RCAN2: variants seen among roughly 807,000 people sequenced by gnomAD.
RCAN2 encodes the protein calcipressin-2.
In RCAN2, 9 loss-of-function variants were observed where a neutral mutation model predicts 23.6. That is an observed-to-expected ratio of 0.38 (90% CI 0.23 to 0.67). The LOEUF is 0.67. Ranked by LOEUF, RCAN2 falls within the 30% of genes least tolerant of loss-of-function variation. RCAN2 has a pLI of 0.51. For synonymous variants in RCAN2, 109 were observed against 115.7 expected (o/e 0.94, Z 0.37); for missense variants, 273 against 302.3 (o/e 0.90, Z 0.72).
At chr6:46,234,289 C>G (rs1766011999) in intron 4 of RCAN2, among the ~76,000 whole-genome samples, 1 of 152,222 alleles carries the variant, frequency 6.6e-6, no homozygotes, top group African/African-American at 2.4e-5. Context: ...GCCAGCAAAG[C>G]TTAACAGCTG....
chr6:46,227,737 C>A (rs1348167069), intron 4 of RCAN2, among the ~76,000 whole-genome samples: 1 of 151,426 alleles, frequency 6.6e-6, no homozygotes, highest in Non-Finnish European at 1.5e-5. Context: ...AAAACCAGAT[C>A]CCGGATTCAT....
chr6:46,319,571 G>A (rs1460132618), intron 2 of RCAN2, among the ~76,000 whole-genome samples: 1 of 152,166 alleles, frequency 6.6e-6, no homozygotes, highest in East Asian at 1.9e-4. Flanking sequence ...TTTACCAAAT[G>A]TGATAGGTGG....
chr6:46,360,915 T>C (rs1401260463), intron 2 of RCAN2, among the ~76,000 whole-genome samples: 1 of 152,052 alleles, frequency 6.6e-6, no homozygotes, highest in South Asian at 2.1e-4. Context: ...ACAATGGAGG[T>C]TGAATAGTGA....
intron 2 of RCAN2, among the ~76,000 whole-genome samples, chr6:46,288,659 G>A (rs370766521): frequency 1.3e-5 from 2 of 152,246 alleles, no homozygotes; most frequent in African/African-American, 4.8e-5. Flanking sequence ...TCCTGATCCC[G>A]TTATTTATTC....
At chr6:46,429,329 G>A (rs1767121290) in intron 2 of RCAN2, among the ~76,000 whole-genome samples, 1 of 152,166 alleles carries the variant, frequency 6.6e-6, no homozygotes, top group Admixed American at 6.6e-5. Flanking sequence ...TTAACTCGAA[G>A]CCAAAAGATA....
At chr6:46,471,095 G>A (rs1377181860) in intron 1 of RCAN2, among the ~76,000 whole-genome samples, 1 of 152,180 alleles carries the variant, frequency 6.6e-6, no homozygotes, top group African/African-American at 2.4e-5. Context: ...GGTGAGGCTG[G>A]TAAGGAAGAG....
At chr6:46,262,557 A>C (rs1359207454) in intron 2 of RCAN2, among the ~76,000 whole-genome samples, 1 of 149,228 alleles carries the variant, frequency 6.7e-6, no homozygotes, top group Non-Finnish European at 1.5e-5. Context: ...GGAGTTTGAG[A>C]CCAGCCTTGG....
chr6:46,376,782 A>C (rs1363062762), intron 2 of RCAN2, among the ~76,000 whole-genome samples: 1 of 151,942 alleles, frequency 6.6e-6, no homozygotes, highest in African/African-American at 2.4e-5. Context: ...GACAATGACC[A>C]GGTCTTATTT....
intron 2 of RCAN2, among the ~76,000 whole-genome samples, chr6:46,353,944 C>T (rs1764744708): frequency 6.6e-6 from 1 of 152,140 alleles, no homozygotes; most frequent in Non-Finnish European, 1.5e-5. Flanking sequence ...CTTCTCATTA[C>T]TAATATGGAC....
intron 4 of RCAN2, among the ~76,000 whole-genome samples, chr6:46,241,597 A>G (rs1021713975): frequency 1.3e-5 from 2 of 152,238 alleles, no homozygotes; most frequent in Non-Finnish European, 2.9e-5. Context: ...GTTGTTTTGT[A>G]TTCTTAAATT....
rs1300001555 is a variant in RCAN2, at chr6:46,358,576, C to T, written c.225+98176G>A. Among the ~76,000 whole-genome samples the T allele has an allele frequency of 2.6e-4, 40 of 152,142 alleles. 1 individual carries two copies. Among genetic ancestry groups the T allele is most frequent in the Admixed American group, 1.7e-3 (26 of 15,282 alleles). Reference sequence around the variant, plus strand: ...TGTTTCTTCATCTATAAAGTGAGAGCGCTACACTTGATGAGTGACTCTCAA... The same window carrying T: ...TGTTTCTTCATCTATAAAGTGAGAGTGCTACACTTGATGAGTGACTCTCAA... On this transcript the variant is annotated intron_variant, in intron 2 of 4. Coordinates refer to ENST00000371374, the MANE Select transcript of RCAN2 (RefSeq NM_001251974.2).
chr6:46,283,474 A>G (rs1301878644), intron 2 of RCAN2, among the ~76,000 whole-genome samples: 1 of 152,156 alleles, frequency 6.6e-6, no homozygotes, highest in African/African-American at 2.4e-5. Flanking sequence ...CCATATTTCA[A>G]GAATCTGGTA....
chr6:46,490,015 C>G (rs911294121), intron 1 of RCAN2, among the ~76,000 whole-genome samples: 1 of 152,234 alleles, frequency 6.6e-6, no homozygotes, highest in South Asian at 2.1e-4. Context: ...TCCAACTTCA[C>G]TGTGCCCCCA....
intron 4 of RCAN2, among the ~76,000 whole-genome samples, chr6:46,245,858 A>G (rs1457638789): frequency 6.6e-6 from 1 of 152,170 alleles, no homozygotes; most frequent in South Asian, 2.1e-4. Context: ...CATAATGGCC[A>G]TTAGTTACCA....
chr6:46,400,921 T>C (rs1766231541), intron 2 of RCAN2, among the ~76,000 whole-genome samples: 1 of 152,200 alleles, frequency 6.6e-6, no homozygotes, highest in African/African-American at 2.4e-5. Flanking sequence ...CCTGGGATAG[T>C]TGTTAAGCAT....
chr6:46,437,844 C>T (rs566559017), intron 2 of RCAN2, among the ~76,000 whole-genome samples: 1 of 152,226 alleles, frequency 6.6e-6, no homozygotes, highest in African/African-American at 2.4e-5. Flanking sequence ...TGACTCAACA[C>T]CTAGAGGCTT....
intron 1 of RCAN2, among the ~76,000 whole-genome samples, chr6:46,462,862 CT>C (rs1255289944): frequency 1.3e-5 from 2 of 152,196 alleles, no homozygotes; most frequent in Non-Finnish European, 2.9e-5. Flanking sequence ...AAAAAATTCA[CT>C]TTTCTAGGAA....
chr6:46,246,867 G>A lies in RCAN2; in HGVS notation c.452C>T (p.Pro151Leu). The change falls in exon 4 of 5, where the codon CCT becomes CTT. Residue 151 changes from proline to leucine, a missense_variant. Physicochemically the swap from Pro to Leu is moderately conservative, Grantham distance 98 (BLOSUM62 -3). Coordinates refer to ENST00000371374, the MANE Select transcript of RCAN2 (RefSeq NM_001251974.2). ...GDKLHLAPPQPAKQFLISPPS... is the reference protein window; with the variant it reads ...GDKLHLAPPQLAKQFLISPPS... The stretch of plus-strand genomic sequence containing the variant: ...GGGCGAGATGAGAAACTGTTTGGCA[G>A]GCTGGGGTGGAGCCAAGTGCAGTTT... The A allele has an allele frequency of 2.5e-6, 4 of 1,608,820 alleles. No homozygotes were observed. Among genetic ancestry groups the A allele is most frequent in the East Asian group, 2.2e-5 (1 of 44,686 alleles).
intron 2 of RCAN2, among the ~76,000 whole-genome samples, chr6:46,305,959 C>T (rs529799419): frequency 7.3e-5 from 11 of 150,356 alleles, no homozygotes; most frequent in Admixed American, 7.3e-4. Context: ...GTATGCCTGG[C>T]GTCAGTCCTG....
Sources: allele counts gnomAD v4.1 joint callset (sites outside exome capture counted in the v4.1 genomes callset), GRCh38; gene constraint gnomAD v4.1.1; transcripts MANE v1.5; gene names NCBI Gene and HGNC (gene_info 2026-07-23, HGNC 2026-07-21).